The following PLCG2 variants were observed in gnomAD, a reference collection of about 807,000 sequenced individuals.
The protein encoded by PLCG2 is phospholipase C gamma 2.
Under a neutral mutation model 175.6 loss-of-function variants are expected in PLCG2, and 69 were observed. The observed-to-expected ratio is 0.39, with a 90% CI of 0.32 to 0.48. PLCG2 has a LOEUF of 0.48. Among genes scored for constraint, PLCG2 ranks in the 20% least tolerant of loss-of-function variants. The pLI is 0.91. For missense variants in PLCG2, 1,798 were observed against 1,650.9 expected, an observed-to-expected ratio of 1.09 and a Z score of -1.54; for synonymous variants, 827 against 624.0, an observed-to-expected ratio of 1.33 and a Z score of -4.85.
intron 30 of PLCG2, among the ~76,000 whole-genome samples, chr16:81,942,195 G>A (rs1910969294): frequency 6.6e-6 from 1 of 152,140 alleles, no homozygotes; most frequent in South Asian, 2.1e-4. Context: ...GAAGGATGAG[G>A]GCCTTGAGCC....
chr16:81,882,330 A>G (rs947008253), intron 8 of PLCG2, among the ~76,000 whole-genome samples: 1 of 151,924 alleles, frequency 6.6e-6, no homozygotes, highest in Non-Finnish European at 1.5e-5. Flanking sequence ...CCTGATACCT[A>G]ACCTCTGCTT....
chr16:81,941,448 G>A (rs1468556622), intron 30 of PLCG2, among the ~76,000 whole-genome samples: 6 of 152,178 alleles, frequency 3.9e-5, no homozygotes. Context: ...GTGCTTGGAT[G>A]GCACTTTGAC....
chr16:81,826,073 G>A (rs1905033424), intron 2 of PLCG2, among the ~76,000 whole-genome samples: 2 of 152,164 alleles, frequency 1.3e-5, no homozygotes, highest in Admixed American at 1.3e-4. Flanking sequence ...AATGGAATTT[G>A]TCACCAAAAC....
At chr16:81,932,956 G>A (rs1245422654) in intron 25 of PLCG2, among the ~76,000 whole-genome samples, 1 of 152,186 alleles carries the variant, frequency 6.6e-6, no homozygotes, top group African/African-American at 2.4e-5. Context: ...GAGGCACAGG[G>A]AGGTGCCACG....
rs916437946 is a variant in PLCG2, at chr16:81,877,129, C to A, written c.649-3781C>A. Among the ~76,000 whole-genome samples, 3 of 152,312 alleles carry A rather than the reference C, an allele frequency of 2.0e-5. No individual in the cohort carries two copies. In the East Asian group the frequency reaches 5.8e-4, roughly 29 times the overall value. ...GGAGCCCATGTTCATTTCCTGGGGC[C>A]GCTGTGGCAAGTACTGCAACTCGTG... On this transcript the variant is annotated intron_variant, in intron 7 of 32. Transcript: ENST00000564138.
intron 24 of PLCG2, among the ~76,000 whole-genome samples, chr16:81,929,678 G>A (rs1597139189): frequency 1.3e-5 from 2 of 152,376 alleles, no homozygotes; most frequent in African/African-American, 4.8e-5. Flanking sequence ...TTACAGGCAT[G>A]TGCCACCATG....
chr16:81,779,650 G>T (rs1409741993), intron 1 of PLCG2, among the ~76,000 whole-genome samples: 2 of 152,184 alleles, frequency 1.3e-5, no homozygotes, highest in East Asian at 3.9e-4. Flanking sequence ...CCCCGGGCCG[G>T]CGCCACCTCT....
chr16:81,947,376 C>G (rs1911192802), intron 31 of PLCG2, among the ~76,000 whole-genome samples: 1 of 152,194 alleles, frequency 6.6e-6, no homozygotes, highest in Admixed American at 6.5e-5. Flanking sequence ...AATTCCACAT[C>G]TGTCACCTGG....
At chr16:81,889,381 A>C in intron 10 of PLCG2, 108 bp downstream of exon 10, 1 of 679,092 alleles carries the variant, frequency 1.5e-6, no homozygotes, top group Non-Finnish European at 2.7e-6. Context: ...TTGCTGTATG[A>C]TGTTGCCTCG....
chr16:81,785,996 A>G lies in PLCG2; in HGVS notation c.7A>G (p.Thr3Ala). 1 of 1,613,610 alleles carries G rather than the reference A, an allele frequency of 6.2e-7. No individual in the cohort carries two copies. Among genetic ancestry groups the G allele is most frequent in the Non-Finnish European group, 8.5e-7 (1 of 1,179,620 alleles). ...CTCCCTGGAGCGGCCGACAATGTCC[A>G]CCACGGTCAATGTAGATTCCCTTGC... MS[T>A]TVNVDSLAEY... Residue 3 changes from threonine to alanine, a missense_variant, in exon 2 of 33, where the codon ACC becomes GCC. Coordinates refer to ENST00000564138, the MANE Select transcript of PLCG2 (RefSeq NM_002661.5).
upstream of PLCG2, among the ~76,000 whole-genome samples, chr16:81,774,679 T>C (rs891586687): frequency 6.6e-6 from 1 of 151,074 alleles, no homozygotes; most frequent in African/African-American, 2.4e-5. Flanking sequence ...GCCTGGTCAC[T>C]GCCTTTGGAG....
At chr16:81,808,285 G>T (rs559012370) in intron 2 of PLCG2, among the ~76,000 whole-genome samples, 1 of 152,208 alleles carries the variant, frequency 6.6e-6, no homozygotes, top group East Asian at 1.9e-4. Context: ...AGGCCTGTTG[G>T]CTGTTTTGGA....
At chr16:81,832,553 C>T (rs910824370) in intron 2 of PLCG2, among the ~76,000 whole-genome samples, 2 of 151,134 alleles carry the variant, frequency 1.3e-5, no homozygotes, top group Admixed American at 1.3e-4. Context: ...CCATGCCCAG[C>T]TAATTTGTGT....
chr16:81,805,334 C>A (rs989414933), intron 2 of PLCG2, among the ~76,000 whole-genome samples: 1 of 151,776 alleles, frequency 6.6e-6, no homozygotes, highest in African/African-American at 2.4e-5. Flanking sequence ...TCTGTCTCTA[C>A]TAAAAATATA....
chr16:81,750,930 C>G lies in PLCG2; in HGVS notation c.-144-4940C>G, dbSNP rs191849996. 3.3e-5 allele frequency among the ~76,000 whole-genome samples: 5 copies of G among 149,530 alleles called. No individual in the cohort carries two copies. The East Asian group carries it at 5.9e-4, about 18-fold the overall frequency. On this transcript the variant is annotated intron_variant, in intron 1 of 5. Transcript: ENST00000565054. ...CCTCAAGATCCACCCACCTCAGCCT[C>G]CCAAAGTGCTGGGATTACAGGCGTG...
chr16:81,917,075 T>A (rs908216592), intron 19 of PLCG2, among the ~76,000 whole-genome samples: 2 of 152,214 alleles, frequency 1.3e-5, no homozygotes, highest in African/African-American at 4.8e-5. Flanking sequence ...CGGACCCTGG[T>A]AACCACCATT....
At chr16:81,828,302 G>C (rs1258925812) in intron 2 of PLCG2, among the ~76,000 whole-genome samples, 1 of 140,466 alleles carries the variant, frequency 7.1e-6, no homozygotes, top group Non-Finnish European at 1.5e-5. Context: ...CTGGAATGCA[G>C]TGGTGTGATC....
At position 81,909,571 on chromosome 16, in the gene PLCG2, G is replaced by A. The variant is rs75472227; in HGVS notation, c.1734-949G>A. On this transcript the variant is annotated intron_variant, in intron 17 of 32. Coordinates refer to ENST00000564138, the MANE Select transcript of PLCG2 (RefSeq NM_002661.5). ...AGCTGGGACTACAGGCACATGCCAC[G>A]ACACCTGAATAACTTTTAAATTTTT... Among the ~76,000 whole-genome samples, 1,225 of 152,198 alleles carry A rather than the reference G, an allele frequency of 8.0e-3. 18 individuals carry two copies. The highest frequency in any genetic ancestry group is 0.029 in the African/African-American group (1,183 of 41,508).
intron 2 of PLCG2, among the ~76,000 whole-genome samples, chr16:81,806,370 C>T (rs1912022560): frequency 2.0e-5 from 3 of 152,078 alleles, no homozygotes; most frequent in African/African-American, 7.2e-5. Flanking sequence ...CCCACAGAGA[C>T]TGAAAATGTG....
Sources: allele counts gnomAD v4.1 joint callset (sites outside exome capture counted in the v4.1 genomes callset), GRCh38; gene constraint gnomAD v4.1.1; transcripts MANE v1.5; gene names NCBI Gene and HGNC (gene_info 2026-07-23, HGNC 2026-07-21).